OPCML: variants seen among roughly 807,000 people sequenced by gnomAD.
The protein encoded by OPCML is opioid-binding protein/cell adhesion molecule.
OPCML carries 13 observed loss-of-function variants against 37.8 expected under a neutral mutation model. The ratio of observed to expected loss-of-function variants is 0.34; its 90% CI spans 0.22 to 0.55. The LOEUF (loss-of-function observed/expected upper bound fraction) is 0.55, where lower values mean the gene tolerates loss of function less well. Among genes scored for constraint, OPCML ranks in the 20% least tolerant of loss-of-function variants. The probability of loss-of-function intolerance (pLI) is 0.91; values close to 1 mark genes in which losing one functional copy is unlikely to be tolerated. For synonymous variants in OPCML, 176 were observed against 168.8 expected (o/e 1.04, Z -0.33); for missense variants, 341 against 435.6 (o/e 0.78, Z 1.93).
At chr11:133,263,859 G>T (rs1360345915) in intron 1 of OPCML, among the ~76,000 whole-genome samples, 1 of 152,190 alleles carries the variant, frequency 6.6e-6, no homozygotes, top group Non-Finnish European at 1.5e-5. Flanking sequence ...TTTCAGCCTT[G>T]CTACTTTCCA....
intron 1 of OPCML, among the ~76,000 whole-genome samples, chr11:133,109,857 C>A (rs185346647): frequency 1.3e-5 from 2 of 152,216 alleles, no homozygotes; most frequent in Admixed American, 6.5e-5. Flanking sequence ...CTCATCCAAC[C>A]GTCTATTTTG....
chr11:132,447,709 G>T (rs1348552330), intron 4 of OPCML, among the ~76,000 whole-genome samples: 1 of 152,230 alleles, frequency 6.6e-6, no homozygotes, highest in East Asian at 1.9e-4. Flanking sequence ...TGAAAGGTCT[G>T]CTGTCAGGCC....
chr11:133,225,330 GCTCTAT>G (rs750837079), intron 1 of OPCML, among the ~76,000 whole-genome samples: 3 of 152,158 alleles, frequency 2.0e-5, no homozygotes, highest in Non-Finnish European at 4.4e-5. Flanking sequence ...AATTAATTCA[GCTCTAT>G]AGGCTCATGG....
chr11:132,853,049 C>A (rs1941886780), intron 2 of OPCML, among the ~76,000 whole-genome samples: 1 of 152,154 alleles, frequency 6.6e-6, no homozygotes, highest in African/African-American at 2.4e-5. Flanking sequence ...GCAGAAATAT[C>A]TGCATTTTTC....
intron 1 of OPCML, among the ~76,000 whole-genome samples, chr11:133,315,013 G>A (rs182112601): frequency 3.3e-5 from 5 of 152,152 alleles, no homozygotes; most frequent in Non-Finnish European, 5.9e-5. Flanking sequence ...GAGAAACCAC[G>A]TGTATTGGGT....
chr11:132,710,164 A>G (rs1271847217), intron 2 of OPCML, among the ~76,000 whole-genome samples: 5 of 152,208 alleles, frequency 3.3e-5, no homozygotes, highest in African/African-American at 4.8e-5. Context: ...TCAGCTGAAC[A>G]TGTATTTCAC....
At chr11:132,723,344 G>A (rs897339341) in intron 2 of OPCML, among the ~76,000 whole-genome samples, 1 of 152,196 alleles carries the variant, frequency 6.6e-6, no homozygotes, top group African/African-American at 2.4e-5. Flanking sequence ...AGCAGAGTGG[G>A]TAAGAGCATG....
At chr11:133,019,065 C>T (rs1947397708) in intron 1 of OPCML, among the ~76,000 whole-genome samples, 1 of 152,222 alleles carries the variant, frequency 6.6e-6, no homozygotes, top group African/African-American at 2.4e-5. Context: ...ATTATGATCT[C>T]TGCAGGCTGG....
intron 2 of OPCML, among the ~76,000 whole-genome samples, chr11:132,769,074 G>A (rs919260401): frequency 4.0e-5 from 6 of 150,920 alleles, no homozygotes; most frequent in East Asian, 2.0e-4. Flanking sequence ...AGGAGGCTGC[G>A]CTGCTGAGGG....
At chr11:132,900,415 T>C (rs1213994337) in intron 2 of OPCML, among the ~76,000 whole-genome samples, 2 of 152,074 alleles carry the variant, frequency 1.3e-5, no homozygotes, top group Non-Finnish European at 2.9e-5. Context: ...ACCACCATCA[T>C]CTCTCATCTC....
At chr11:133,087,228 T>C (rs1486579752) in intron 1 of OPCML, among the ~76,000 whole-genome samples, 3 of 152,224 alleles carry the variant, frequency 2.0e-5, no homozygotes, top group Admixed American at 1.3e-4. Context: ...ATTTTCCAAG[T>C]TGATTTTTTT....
chr11:133,149,001 G>T (rs1592050548), intron 1 of OPCML, among the ~76,000 whole-genome samples: 1 of 152,240 alleles, frequency 6.6e-6, no homozygotes, highest in Middle Eastern at 3.4e-3. Context: ...GGAGAGTGGA[G>T]AAAAAGTTCC....
rs1355740570 is a variant in OPCML at position 132,418,415 on chromosome 11, A to G, written c.*1778T>C. The G allele has an allele frequency of 1.3e-5, 2 of 152,480 alleles. No individual in the cohort carries two copies. The highest frequency in any genetic ancestry group is 2.9e-5 in the Non-Finnish European group (2 of 68,028). The allele number at this position is 152,480 out of a possible 1,614,324, so 9.4% of individuals were successfully genotyped here. A position where few individuals can be genotyped will look rare whatever the true frequency, so the allele number is the denominator to read the frequency against. Reference sequence around the variant, plus strand: ...CAAAGGTGGCTCAGCTCTTGTTTGTATGCTGGGTCTGCTTTGAACCTGAAG... The same window carrying G: ...CAAAGGTGGCTCAGCTCTTGTTTGTGTGCTGGGTCTGCTTTGAACCTGAAG... On this transcript the variant is annotated 3_prime_UTR_variant, in exon 8 of 8. Coordinates refer to ENST00000524381, the MANE Select transcript of OPCML (RefSeq NM_001012393.5).
intron 1 of OPCML, among the ~76,000 whole-genome samples, chr11:133,389,955 G>A (rs922806212): frequency 6.6e-6 from 1 of 152,170 alleles, no homozygotes; most frequent in Non-Finnish European, 1.5e-5. Context: ...GCCATCCCTG[G>A]AGCATGTTTC....
At chr11:133,171,726 C>A (rs1425405624) in intron 1 of OPCML, among the ~76,000 whole-genome samples, 1 of 152,066 alleles carries the variant, frequency 6.6e-6, no homozygotes, top group Non-Finnish European at 1.5e-5. Context: ...GAGAAGAGAC[C>A]AAGACATTTA....
intron 3 of OPCML, among the ~76,000 whole-genome samples, chr11:132,623,597 T>C (rs756701636): frequency 1.3e-5 from 2 of 152,150 alleles, no homozygotes; most frequent in Non-Finnish European, 2.9e-5. Context: ...TACACTGTTT[T>C]AACGAGAAAA....
chr11:133,525,509 A>G (rs1234338253), intron 1 of OPCML, among the ~76,000 whole-genome samples: 2 of 152,204 alleles, frequency 1.3e-5, no homozygotes, highest in Non-Finnish European at 2.9e-5. Context: ...CCGGAAGTCT[A>G]CATAGGGTTT....
At chr11:132,617,034 TAGAAGTATATGTTGC>T (rs1358603085) in intron 3 of OPCML, among the ~76,000 whole-genome samples, 3 of 152,208 alleles carry the variant, frequency 2.0e-5, no homozygotes, top group African/African-American at 4.8e-5. Flanking sequence ...TTTCTTTCAT[TAGAAGTATATGTTGC>T]AGAAGTATAT....
At chr11:133,239,921 A>G (rs1190205873) in intron 1 of OPCML, among the ~76,000 whole-genome samples, 1 of 152,200 alleles carries the variant, frequency 6.6e-6, no homozygotes, top group Non-Finnish European at 1.5e-5. Context: ...CAGATTGGAT[A>G]AGTTGAACAT....
Sources: gnomAD v4.1 joint callset for allele counts (sites outside exome capture counted in the v4.1 genomes callset) on GRCh38, gnomAD v4.1.1 for gene constraint, MANE v1.5 for transcripts, NCBI Gene and HGNC (gene_info 2026-07-23, HGNC 2026-07-21) for gene names.